The following CTNND2 variants were observed in gnomAD, a reference collection of about 807,000 sequenced individuals.
CTNND2 encodes the protein catenin delta 2, also known as catenin delta-2.
In CTNND2, 22 loss-of-function variants were observed where a neutral mutation model predicts 144.4. The ratio of observed to expected loss-of-function variants is 0.15; its 90% CI spans 0.11 to 0.22. The LOEUF (loss-of-function observed/expected upper bound fraction) is 0.22, where lower values mean the gene tolerates loss of function less well. CTNND2 is among the 10% of genes least tolerant of loss of function. The pLI is 1.00. For missense variants in CTNND2, 1,353 were observed against 1,618.8 expected, an observed-to-expected ratio of 0.84 and a Z score of 2.82; for synonymous variants, 751 against 695.6, an observed-to-expected ratio of 1.08 and a Z score of -1.25.
At chr5:11,659,607 C>A (rs1783081986) in intron 2 of CTNND2, among the ~76,000 whole-genome samples, 1 of 152,060 alleles carries the variant, frequency 6.6e-6, no homozygotes, top group East Asian at 1.9e-4. Flanking sequence ...CTGATGCCTG[C>A]TCAATAGACT....
At chr5:11,129,023 TAAAAA>T (rs1168684301) in intron 12 of CTNND2, among the ~76,000 whole-genome samples, 40 of 22,290 alleles carry the variant, frequency 1.8e-3, no homozygotes, top group Non-Finnish European at 2.5e-3. Flanking sequence ...TATATATAAA[TAAAAA>T]ATATAAATAT....
chr5:11,271,464 T>C (rs1209379143), intron 9 of CTNND2, among the ~76,000 whole-genome samples: 3 of 152,222 alleles, frequency 2.0e-5, no homozygotes, highest in East Asian at 1.9e-4. Flanking sequence ...TAATTTTATT[T>C]AAATTCCTGG....
intron 3 of CTNND2, among the ~76,000 whole-genome samples, chr5:11,413,114 A>G (rs1355952199): frequency 3.9e-5 from 6 of 152,176 alleles, no homozygotes; most frequent in Non-Finnish European, 8.8e-5. Context: ...GAGTCAATCA[A>G]TATTAGGAAA....
chr5:11,832,248 A>C (rs1206326919), intron 1 of CTNND2, among the ~76,000 whole-genome samples: 1 of 152,062 alleles, frequency 6.6e-6, no homozygotes, highest in Admixed American at 6.6e-5. Context: ...GTGCCACTGC[A>C]CTCCAGCCCA....
intron 9 of CTNND2, among the ~76,000 whole-genome samples, chr5:11,290,058 A>G (rs1177186999): frequency 6.6e-6 from 1 of 152,188 alleles, no homozygotes; most frequent in African/African-American, 2.4e-5. Flanking sequence ...ATTTTCCGGA[A>G]GACAAGGAGG....
chr5:11,544,571 G>C (rs1029868839), intron 3 of CTNND2, among the ~76,000 whole-genome samples: 8 of 152,210 alleles, frequency 5.3e-5, no homozygotes, highest in Non-Finnish European at 1.2e-4. Flanking sequence ...TGCAAATTGT[G>C]TTACATCCTC....
chr5:11,154,987 T>A lies in CTNND2; in HGVS notation c.2159+4589A>T, dbSNP rs529196086. Among the ~76,000 whole-genome samples the A allele has an allele frequency of 3.9e-5, 6 of 152,362 alleles. No individual in the cohort carries two copies. In the South Asian group the frequency reaches 1.2e-3, roughly 32 times the overall value. ...CCCACTCTTACCTAGTATGACCTGA[T>A]CTTCATGAACTAATTGTATCTGCAA... On this transcript the variant is annotated intron_variant, in intron 12 of 21. Transcript: ENST00000304623.
chr5:11,192,513 C>A (rs1279547873), intron 11 of CTNND2, among the ~76,000 whole-genome samples: 1 of 152,026 alleles, frequency 6.6e-6, no homozygotes, highest in Non-Finnish European at 1.5e-5. Context: ...CTGGATCAGC[C>A]CGGTGGGCGC....
chr5:11,210,288 C>T (rs1000612750), intron 10 of CTNND2, among the ~76,000 whole-genome samples: 5 of 152,128 alleles, frequency 3.3e-5, no homozygotes, highest in African/African-American at 1.2e-4. Context: ...ATCCCAGCTA[C>T]TCAGGAGGCT....
intron 1 of CTNND2, among the ~76,000 whole-genome samples, chr5:11,747,998 A>G (rs1165201467): frequency 6.6e-6 from 1 of 152,144 alleles, no homozygotes; most frequent in Non-Finnish European, 1.5e-5. Flanking sequence ...ATCAATGGGC[A>G]GTCAAGCACA....
chr5:11,076,403 G>T (rs1238939860), intron 16 of CTNND2, among the ~76,000 whole-genome samples: 1 of 152,206 alleles, frequency 6.6e-6, no homozygotes, highest in African/African-American at 2.4e-5. Flanking sequence ...TCCATGTGCC[G>T]AAATGGGTGG....
intron 2 of CTNND2, among the ~76,000 whole-genome samples, chr5:11,666,235 T>C (rs768678866): frequency 2.0e-5 from 3 of 152,188 alleles, no homozygotes; most frequent in Non-Finnish European, 2.9e-5. Flanking sequence ...GAGGCTGTAG[T>C]TGGACTCTCA....
chr5:11,796,223 A>AC (rs1791394475), intron 1 of CTNND2, among the ~76,000 whole-genome samples: 2 of 152,206 alleles, frequency 1.3e-5, no homozygotes, highest in East Asian at 3.9e-4. Flanking sequence ...TGCCATGCTA[A>AC]CCCCCCTCAC....
At chr5:11,266,012 CTCTT>C (rs1439816844) in intron 9 of CTNND2, among the ~76,000 whole-genome samples, 1 of 152,010 alleles carries the variant, frequency 6.6e-6, no homozygotes, top group Non-Finnish European at 1.5e-5. Context: ...GCCTGGTCAT[CTCTT>C]TCTATTTTTT....
At chr5:11,115,334 A>G (rs919604417) in intron 13 of CTNND2, among the ~76,000 whole-genome samples, 1 of 152,230 alleles carries the variant, frequency 6.6e-6, no homozygotes, top group African/African-American at 2.4e-5. Flanking sequence ...ACTTAGCCAA[A>G]GCATGAGGCT....
At chr5:11,609,298 C>T (rs1780206214) in intron 2 of CTNND2, among the ~76,000 whole-genome samples, 1 of 152,216 alleles carries the variant, frequency 6.6e-6, no homozygotes, top group South Asian at 2.1e-4. Flanking sequence ...GCCTTCCTAT[C>T]TACTGTCCAC....
chr5:10,988,335 C>T lies in CTNND2; in HGVS notation c.3212-93G>A, dbSNP rs528771564. 52 of 1,482,196 alleles carry T rather than the reference C, an allele frequency of 3.5e-5. No homozygotes were observed. The Middle Eastern group carries it at 1.8e-3, about 52-fold the overall frequency. 91.8% of individuals were successfully genotyped at this position (1,482,196 alleles called of 1,614,324 possible). On this transcript the variant is annotated intron_variant, in intron 19 of 21. Coordinates refer to ENST00000304623, the MANE Select transcript of CTNND2 (RefSeq NM_001332.4). This position sits in a 1 kb window ranked among gnomAD's most constrained non-coding sequence, Gnocchi z 5.9. ...TCAGGGTCCTCACTATGCATGGTCC[C>T]GCATCTCAATGCCTACGTGAGGACC... is the stretch of plus-strand genomic sequence containing the variant.
At chr5:11,532,798 A>G (rs915825585) in intron 3 of CTNND2, among the ~76,000 whole-genome samples, 1 of 152,246 alleles carries the variant, frequency 6.6e-6, no homozygotes, top group East Asian at 1.9e-4. Context: ...AAATTTTTAC[A>G]TGATCAAGGA....
chr5:11,298,072 C>T (rs1749205664), intron 9 of CTNND2, among the ~76,000 whole-genome samples: 1 of 152,242 alleles, frequency 6.6e-6, no homozygotes, highest in East Asian at 1.9e-4. Flanking sequence ...GGAACCATGC[C>T]AGTGTAACTG....
Sources: allele counts gnomAD v4.1 joint callset (sites outside exome capture counted in the v4.1 genomes callset), GRCh38; gene constraint gnomAD v4.1.1; non-coding constraint Gnocchi (gnomAD v3.1); transcripts MANE v1.5; gene names NCBI Gene and HGNC (gene_info 2026-07-23, HGNC 2026-07-21).